Variants in MDGA2 observed in about 807,000 individuals in gnomAD.
MDGA2 encodes MAM domain-containing glycosylphosphatidylinositol anchor protein 2.
Under a neutral mutation model 117.8 loss-of-function variants are expected in MDGA2, and 40 were observed. The observed-to-expected ratio is 0.34, with a 90% CI of 0.26 to 0.44. MDGA2 has a LOEUF of 0.44. MDGA2 is among the 20% of genes least tolerant of loss of function. MDGA2 has a pLI of 1.00. For synonymous variants in MDGA2, 452 were observed against 439.0 expected (o/e 1.03, Z -0.37); for missense variants, 1,123 against 1,250.6 (o/e 0.90, Z 1.54).
intron 2 of MDGA2, among the ~76,000 whole-genome samples, chr14:47,265,776 A>C (rs1469943491): frequency 2.0e-5 from 3 of 152,154 alleles, no homozygotes; most frequent in Admixed American, 6.6e-5. Context: ...CTTATCTCAC[A>C]TTAGAGGCCT....
chr14:47,086,921 A>G (rs915447158), intron 6 of MDGA2, among the ~76,000 whole-genome samples: 1 of 152,132 alleles, frequency 6.6e-6, no homozygotes, highest in African/African-American at 2.4e-5. Flanking sequence ...AGTTGCCCTG[A>G]TATCTTTGTG....
At chr14:46,964,919 C>CTTTTTTTGTTT (rs1885957321) in intron 8 of MDGA2, among the ~76,000 whole-genome samples, 1 of 89,814 alleles carries the variant, frequency 1.1e-5, no homozygotes, top group Non-Finnish European at 2.0e-5. Context: ...TATATATTTA[C>CTTTTTTTGTTT]TTTTTTTTTT....
At chr14:47,131,939 ATAT>A in intron 4 of MDGA2, 93 bp from the exon 5 acceptor site, 5 of 1,016,686 alleles carry the variant, frequency 4.9e-6, no homozygotes, top group Non-Finnish European at 6.8e-6. Flanking sequence ...GTATTAAATC[ATAT>A]TATTATCAGA....
chr14:47,415,110 A>T (rs984289844), intron 1 of MDGA2, among the ~76,000 whole-genome samples: 1 of 152,100 alleles, frequency 6.6e-6, no homozygotes, highest in African/African-American at 2.4e-5. Flanking sequence ...AAAAATCTTA[A>T]TTGGAGGAAC....
chr14:47,319,332 T>C (rs923200533), intron 1 of MDGA2, among the ~76,000 whole-genome samples: 5 of 152,170 alleles, frequency 3.3e-5, no homozygotes, highest in African/African-American at 9.6e-5. Flanking sequence ...TGCAGGCAAG[T>C]TGTAAAACGT....
At chr14:47,469,278 G>T (rs1410682394) in intron 1 of MDGA2, among the ~76,000 whole-genome samples, 4 of 151,802 alleles carry the variant, frequency 2.6e-5, no homozygotes, top group Non-Finnish European at 5.9e-5. Context: ...TTAACATTAG[G>T]TATATCTCCT....
intron 1 of MDGA2, among the ~76,000 whole-genome samples, chr14:47,468,931 G>GA (rs772107402): frequency 4.7e-4 from 71 of 151,602 alleles, no homozygotes; most frequent in Middle Eastern, 3.4e-3. Flanking sequence ...CTGAAAATTT[G>GA]AAAAAAATAT....
chr14:47,235,611 G>A (rs1886832859), intron 2 of MDGA2, among the ~76,000 whole-genome samples: 1 of 152,170 alleles, frequency 6.6e-6, no homozygotes, highest in South Asian at 2.1e-4. Context: ...AAATGAAGAT[G>A]AGAGAAGAAA....
chr14:46,988,156 T>C (rs1886937515), intron 8 of MDGA2, among the ~76,000 whole-genome samples: 1 of 152,028 alleles, frequency 6.6e-6, no homozygotes, highest in Non-Finnish European at 1.5e-5. Context: ...TGTATTTTTT[T>C]TTCTTCTCTC....
At chr14:47,486,774 C>A (rs1894070151) in intron 1 of MDGA2, among the ~76,000 whole-genome samples, 1 of 152,122 alleles carries the variant, frequency 6.6e-6, no homozygotes, top group African/African-American at 2.4e-5. Context: ...TTGCTTGCTG[C>A]CATCCATGTA....
intron 8 of MDGA2, among the ~76,000 whole-genome samples, chr14:46,981,529 T>C (rs1218295617): frequency 6.6e-6 from 1 of 152,192 alleles, no homozygotes; most frequent in Non-Finnish European, 1.5e-5. Flanking sequence ...ATAGGGCTTA[T>C]GGCTAAGTTA....
intron 1 of MDGA2, among the ~76,000 whole-genome samples, chr14:47,377,592 T>A (rs1240932687): frequency 6.6e-6 from 1 of 152,100 alleles, no homozygotes. Flanking sequence ...GAGGGTCCCA[T>A]GCCCACGGAG....
rs138284132 is a variant in MDGA2 at position 47,225,932 on chromosome 14, A to G, written c.421-7737T>C. The stretch of plus-strand genomic sequence containing the variant: ...TATTACCACCACCACTACTACTACT[A>G]AGATGCAATTTAAAATATTTCTGCA... On this transcript the variant is annotated intron_variant, in intron 2 of 16. Coordinates refer to ENST00000399232, the MANE Select transcript of MDGA2 (RefSeq NM_001113498.3). Among the ~76,000 whole-genome samples the G allele has an allele frequency of 3.3e-3, 499 of 152,194 alleles. 3 individuals are homozygous for G. Among genetic ancestry groups the G allele is most frequent in the African/African-American group, 0.011 (469 of 41,530 alleles).
At chr14:47,507,987 T>C (rs1262676345) in intron 1 of MDGA2, among the ~76,000 whole-genome samples, 1 of 152,226 alleles carries the variant, frequency 6.6e-6, no homozygotes, top group Admixed American at 6.5e-5. Context: ...GTCTTGCCTC[T>C]ATCTAAATAT....
chr14:47,408,555 G>A lies in MDGA2; in HGVS notation c.281-107005C>T, dbSNP rs192247121. Among the ~76,000 whole-genome samples, 107 of 152,268 alleles carry A rather than the reference G, an allele frequency of 7.0e-4. 2 individuals carry two copies. The highest frequency in any genetic ancestry group is 2.3e-3 in the African/African-American group (97 of 41,556). On this transcript the variant is annotated intron_variant, in intron 1 of 16. Coordinates refer to ENST00000399232, the MANE Select transcript of MDGA2 (RefSeq NM_001113498.3). ...GCAATAAATGGAGAAAGGACTCTAAGCGCTAAGGGCGGCCATCAGCCGGAA... is the reference window on the plus strand; with the variant it reads ...GCAATAAATGGAGAAAGGACTCTAAACGCTAAGGGCGGCCATCAGCCGGAA...
rs138942268 is a variant in MDGA2 at position 47,425,064 on chromosome 14, T to A, written c.281-123514A>T. Among the ~76,000 whole-genome samples the A allele has an allele frequency of 7.1e-3, 1,080 of 152,220 alleles. 49 individuals are homozygous for A. The highest frequency in any genetic ancestry group is 0.058 in the Admixed American group (889 of 15,258). ...TTGGAGCAGCTCCCAAGGTAGACCT[T>A]CAAAAAGAATTTCTCATTTAAAGTT... On this transcript the variant is annotated intron_variant, in intron 1 of 16. Coordinates refer to ENST00000399232, the MANE Select transcript of MDGA2 (RefSeq NM_001113498.3).
chr14:47,022,049 T>C, intron 8 of MDGA2, among the ~76,000 whole-genome samples: 1 of 152,166 alleles, frequency 6.6e-6, no homozygotes. Flanking sequence ...AACTGAAAAA[T>C]ATAATCTAAA....
chr14:47,426,657 TA>T (rs1892696310), intron 1 of MDGA2, among the ~76,000 whole-genome samples: 1 of 148,700 alleles, frequency 6.7e-6, no homozygotes, highest in Non-Finnish European at 1.5e-5. Flanking sequence ...GTGTGATATG[TA>T]AATATATCAC....
intron 1 of MDGA2, among the ~76,000 whole-genome samples, chr14:47,543,306 T>C (rs1895390346): frequency 6.6e-6 from 1 of 152,056 alleles, no homozygotes; most frequent in Non-Finnish European, 1.5e-5. Context: ...GAATGGGAAG[T>C]AGAAAAATAT....
Sources: gnomAD v4.1 joint callset for allele counts (sites outside exome capture counted in the v4.1 genomes callset) on GRCh38, gnomAD v4.1.1 for gene constraint, MANE v1.5 for transcripts, NCBI Gene and HGNC (gene_info 2026-07-23, HGNC 2026-07-21) for gene names.